Variants in RPUSD1 observed in about 807,000 individuals in gnomAD.
RPUSD1 encodes RNA pseudouridine synthase domain containing 1.
A neutral mutation model predicts 22.4 loss-of-function variants in RPUSD1; 28 were observed. That is an observed-to-expected ratio of 1.25 (90% confidence interval 0.93 to 1.72). RPUSD1 has a LOEUF of 1.72. Ranked by LOEUF, RPUSD1 falls within the 40% of genes most tolerant of loss-of-function variation. The probability of loss-of-function intolerance (pLI) is 0.00; values close to 1 mark genes in which losing one functional copy is unlikely to be tolerated. For synonymous variants in RPUSD1, 298 were observed against 201.0 expected, an observed-to-expected ratio of 1.48 and a Z score of -4.08; for missense variants, 596 against 442.2, an observed-to-expected ratio of 1.35 and a Z score of -3.12.
At position 786,158 on chromosome 16, in the gene RPUSD1, A is replaced by G; in HGVS notation, c.731T>C (p.Leu244Pro). The G allele has an allele frequency of 6.2e-7, 1 of 1,611,972 alleles. No individual in the cohort carries two copies. The highest frequency in any genetic ancestry group is 1.7e-5 in the Admixed American group (1 of 59,998). The change falls in exon 6 of 6, where the codon CTG becomes CCG. Residue 244 changes from leucine to proline, a missense_variant. Physicochemically the swap from Leu to Pro is moderately conservative, Grantham distance 98. Transcript: ENST00000007264. ...LDACWSPHTLLQSLDQLVQAL... is the reference protein window; with the variant it reads ...LDACWSPHTLPQSLDQLVQAL... Reference sequence around the variant, plus strand: ...CTGCACGAGCTGGTCCAGCGACTGCAGCAGTGTGTGGGGGCTCCAGCAGGC... The same window carrying G: ...CTGCACGAGCTGGTCCAGCGACTGCGGCAGTGTGTGGGGGCTCCAGCAGGC...
Position 788,141 on chromosome 16 carries a change from C to G in RPUSD1, c.-8+115G>C, listed in dbSNP as rs1207738671. The G allele has an allele frequency of 1.1e-5, 5 of 450,544 alleles. No homozygotes were observed. The Admixed American group carries it at 1.3e-4, about 11-fold the overall frequency. The allele number at this position is 450,544 out of a possible 1,614,324, so 27.9% of individuals were successfully genotyped here. The stretch of plus-strand genomic sequence containing the variant: ...GGTCTGCCCGCAGCGCGGGTTAGGG[C>G]TGGGGCCTCCTCGCTCCCCGCAGTC... On this transcript the variant is annotated intron_variant, in intron 1 of 5. Coordinates refer to ENST00000007264, the MANE Select transcript of RPUSD1 (RefSeq NM_058192.3).
At position 785,766 on chromosome 16, in the gene RPUSD1, G is replaced by A. The variant is rs981540998; in HGVS notation, c.*184C>T. On this transcript the variant is annotated 3_prime_UTR_variant, in exon 6 of 6. Transcript: ENST00000007264. Reference sequence around the variant, plus strand: ...CGGTGCGGTCGTCACCTGTGATCACGGCTGCCTGGCGCCCCCTGCCGGCCC... The same window carrying A: ...CGGTGCGGTCGTCACCTGTGATCACAGCTGCCTGGCGCCCCCTGCCGGCCC... 1.5e-5 allele frequency: 7 copies of A among 479,844 alleles called. No individual in the cohort carries two copies. The highest frequency in any genetic ancestry group is 1.4e-4 in the South Asian group (2 of 14,408). The allele number at this position is 479,844 out of a possible 1,614,324, so 29.7% of individuals were successfully genotyped here.
At chr16:786,740 G>A (rs771575404) in intron 5 of RPUSD1, 87 bp downstream of exon 5, 16 of 1,080,350 alleles carry the variant, frequency 1.5e-5, no homozygotes, top group East Asian at 2.4e-5. Flanking sequence ...CTGCCCTGAT[G>A]CTCAGGGTGG....
Position 785,953 on chromosome 16 carries a change from G to A in RPUSD1, c.936C>T (p.Ser312=), listed in dbSNP as rs753745099. 86 of 1,436,864 alleles carry A rather than the reference G, an allele frequency of 6.0e-5. No homozygotes were observed. The highest frequency in any genetic ancestry group is 1.4e-4 in the Admixed American group (5 of 35,188). The allele number at this position is 1,436,864 out of a possible 1,614,324, so 89.0% of individuals were successfully genotyped here. ...WLSEWTLEPD[S] is the part of the protein sequence containing the mutation. ...CCCTGCCCCAGCCCCACGGCTCTCA[G>A]CTGTCCGGTTCCAGCGTCCACTCCG... The change falls in exon 6 of 6, where the codon AGC becomes AGT. Residue 312 remains serine, a synonymous_variant. Coordinates refer to ENST00000007264, the MANE Select transcript of RPUSD1 (RefSeq NM_058192.3).
rs763955926 is a variant in RPUSD1 at position 786,047 on chromosome 16, C to A, written c.842G>T (p.Arg281Leu). Residue 281 changes from arginine to leucine, a missense_variant, in exon 6 of 6, where the codon CGG becomes CTG. Transcript: ENST00000007264. Reference protein sequence around the residue: ...SPSALLPGPGRPPPPPTKPPE... With the variant: ...SPSALLPGPGLPPPPPTKPPE... ...GGGCTTGGTTGGGGGTGGAGGAGGC[C>A]GGCCGGGCCCAGGCAGGAGTGCGGA... 5 of 1,518,248 alleles carry A rather than the reference C, an allele frequency of 3.3e-6. No individual in the cohort carries two copies. The highest frequency in any genetic ancestry group is 1.3e-5 in the South Asian group (1 of 79,208). The allele number at this position is 1,518,248 out of a possible 1,614,324, so 94.0% of individuals were successfully genotyped here. A position where few individuals can be genotyped will look rare whatever the true frequency, so the allele number is the denominator to read the frequency against.
rs747434515 is a variant in RPUSD1 at position 786,085 on chromosome 16, C to T, written c.804G>A (p.Arg268=). 2 of 1,570,762 alleles carry T rather than the reference C, an allele frequency of 1.3e-6. No individual in the cohort carries two copies. The highest frequency in any genetic ancestry group is 2.3e-5 in the South Asian group (2 of 86,462). ...GCAGGAGTGCGGAGGGGCTGCCTGG[C>T]CTGGGGCCCCTATCCTCGGGGTCAG... The part of the protein sequence containing the change: ...PDPDPEDRGP[R]PGSPSALLPG... Residue 268 remains arginine (R), a synonymous_variant, in exon 6 of 6, where the codon AGG becomes AGA. Transcript: ENST00000007264.
Position 787,539 on chromosome 16 carries a change from C to G in RPUSD1, c.182+17G>C. 2 of 1,606,584 alleles carry G rather than the reference C, an allele frequency of 1.2e-6. No individual in the cohort carries two copies. The highest frequency in any genetic ancestry group is 4.5e-5 in the East Asian group (2 of 44,592). ...CCTCCACAGACGCCACCGTGGGGCT[C>G]CGGCCGCCCCCCCTACCTGAACCCG... On this transcript the variant is annotated intron_variant, in intron 2 of 5. Coordinates refer to ENST00000007264, the MANE Select transcript of RPUSD1 (RefSeq NM_058192.3).
Position 785,183 on chromosome 16 carries a change from G to A in RPUSD1, c.*767C>T, listed in dbSNP as rs1486384065. The A allele has an allele frequency of 6.6e-6, 1 of 152,586 alleles. No individual in the cohort carries two copies. Among genetic ancestry groups the A allele is most frequent in the Non-Finnish European group, 1.5e-5 (1 of 68,276 alleles). The allele number at this position is 152,586 out of a possible 1,614,324, so 9.5% of individuals were successfully genotyped here. A position where few individuals can be genotyped will look rare whatever the true frequency, so the allele number is the denominator to read the frequency against. The stretch of plus-strand genomic sequence containing the variant: ...CAGAGCTGCCAGCAGGGGCCCAAGA[G>A]ACTGCAGCAGGTTGGTGCTCACAGT... On this transcript the variant is annotated 3_prime_UTR_variant, in exon 6 of 6. Coordinates refer to ENST00000007264, the MANE Select transcript of RPUSD1 (RefSeq NM_058192.3).
At chr16:787,253 C>A (rs1162302367) in intron 3 of RPUSD1, 74 bp from the exon 4 acceptor site, 41 of 1,551,634 alleles carry the variant, frequency 2.6e-5, no homozygotes, top group Non-Finnish European at 3.5e-5. Context: ...TAACACCAAG[C>A]AACCACGTAG....
Position 786,121 on chromosome 16 carries a change from G to A in RPUSD1, c.768C>T (p.Ala256=), listed in dbSNP as rs376081160. ...SLDQLVQALR[A]TPDPDPEDRG... ...TATCCTCGGGGTCAGGGTCGGGGGTGGCCCGTAAGGCCTGCACGAGCTGGT... is the reference window on the plus strand; with the variant it reads ...TATCCTCGGGGTCAGGGTCGGGGGTAGCCCGTAAGGCCTGCACGAGCTGGT... The change falls in exon 6 of 6, where the codon GCC becomes GCT. Residue 256 remains alanine, a synonymous_variant. Transcript: ENST00000007264. 6.1e-5 allele frequency: 98 copies of A among 1,599,108 alleles called. No individual in the cohort carries two copies. In the African/African-American group the frequency reaches 1.2e-3, roughly 19 times the overall value.
In RPUSD1 at chr16:787,167, T is replaced by G. The variant is rs2041963005; in HGVS notation, c.319A>C (p.Ile107Leu). 1 of 1,605,130 alleles carries G rather than the reference T, an allele frequency of 6.2e-7. No homozygotes were observed. Among genetic ancestry groups the G allele is most frequent in the African/African-American group, 1.3e-5 (1 of 74,960 alleles). ...CTGATGGTTACCCGGCTCTCCTGGATGTGCCCCCGCAGCTGCAGGAGAGGG... is the reference window on the plus strand; with the variant it reads ...CTGATGGTTACCCGGCTCTCCTGGAGGTGCCCCCGCAGCTGCAGGAGAGGG... ...KAYLALLRGH[I>L]QESRVTISHA... Residue 107 changes from isoleucine (I) to leucine (L), a missense_variant, in exon 4 of 6, where the codon ATC becomes CTC. Transcript: ENST00000007264.
rs529864040 is a variant in RPUSD1, at chr16:787,829, C to G, written c.-7-85G>C. On this transcript the variant is annotated intron_variant, in intron 1 of 5. Coordinates refer to ENST00000007264, the MANE Select transcript of RPUSD1 (RefSeq NM_058192.3). ...TACAGAGGTACCCGCACCGCCCCAC[C>G]CGGGCTCCGGTGCGAAGCCACCGAG... 3 of 1,436,856 alleles carry G rather than the reference C, an allele frequency of 2.1e-6. No individual in the cohort carries two copies. The East Asian group carries it at 6.9e-5, about 33-fold the overall frequency. 89.0% of individuals were successfully genotyped at this position (1,436,856 alleles called of 1,614,324 possible).
Position 786,889 on chromosome 16 carries a change from A to T in RPUSD1, c.449T>A (p.Val150Asp). 6.2e-7 allele frequency: 1 copy of T among 1,613,302 alleles called. No homozygotes were observed. The highest frequency in any genetic ancestry group is 8.5e-7 in the Non-Finnish European group (1 of 1,179,974). Residue 150 changes from valine to aspartate, a missense_variant, in exon 5 of 6, where the codon GTT (valine) becomes GAT (aspartate). Val to Asp is a radical substitution (Grantham distance 152, BLOSUM62 -3). Transcript: ENST00000007264. ...GCCTGCGTACAGCCCGTGTTCCAGA[A>T]CCACGAGATCTGTGAGGCTTGGCTT... ...NPKPSLTDLV[V>D]LEHGLYAGDP...
At chr16:786,468 C>A in intron 5 of RPUSD1, 91 bp from the exon 6 acceptor site, 1 of 1,332,522 alleles carries the variant, frequency 7.5e-7, no homozygotes. Flanking sequence ...GTCATGACCC[C>A]GCTGCAGTCT....
Position 785,256 on chromosome 16 carries a change from G to C in RPUSD1, c.*694C>G, listed in dbSNP as rs1328029915. On this transcript the variant is annotated 3_prime_UTR_variant, in exon 6 of 6. Coordinates refer to ENST00000007264, the MANE Select transcript of RPUSD1 (RefSeq NM_058192.3). ...TGGCAGGGCCTTGGCCATGGCCCCTGACCAACCCCTGTGCACCAAACACCA... is the reference window on the plus strand; with the variant it reads ...TGGCAGGGCCTTGGCCATGGCCCCTCACCAACCCCTGTGCACCAAACACCA... The C allele has an allele frequency of 6.6e-6, 1 of 152,422 alleles. No homozygotes were observed. Among genetic ancestry groups the C allele is most frequent in the African/African-American group, 2.4e-5 (1 of 41,434 alleles). The allele number at this position is 152,422 out of a possible 1,614,324, so 9.4% of individuals were successfully genotyped here.
At position 786,217 on chromosome 16, in the gene RPUSD1, G is replaced by A. The variant is rs1373741000; in HGVS notation, c.672C>T (p.Val224=). 8.1e-6 allele frequency: 13 copies of A among 1,612,662 alleles called. No individual in the cohort carries two copies. The highest frequency in any genetic ancestry group is 2.7e-5 in the African/African-American group (2 of 74,940). ...AGGGCAGGAAGGGGTCAGGCGTGCAGACCTCCACACACTCGGTGTCCGTGG... is the reference window on the plus strand; with the variant it reads ...AGGGCAGGAAGGGGTCAGGCGTGCAAACCTCCACACACTCGGTGTCCGTGG... ...RIPTDTECVE[V]CTPDPFLPSL... The change falls in exon 6 of 6, where the codon GTC becomes GTT. Residue 224 remains valine (V), a synonymous_variant. Coordinates refer to ENST00000007264, the MANE Select transcript of RPUSD1 (RefSeq NM_058192.3).
Position 785,869 on chromosome 16 carries a change from G to A in RPUSD1, c.*81C>T. ...CTGCCTGGCACCTCGAGGCCCCAGA[G>A]CCAGTGAGCAGACGCTCGCTCGCCC... On this transcript the variant is annotated 3_prime_UTR_variant, in exon 6 of 6. Coordinates refer to ENST00000007264, the MANE Select transcript of RPUSD1 (RefSeq NM_058192.3). The A allele has an allele frequency of 8.0e-7, 1 of 1,253,200 alleles. No homozygotes were observed. Among genetic ancestry groups the A allele is most frequent in the Non-Finnish European group, 1.0e-6 (1 of 957,658 alleles). 77.6% of individuals were successfully genotyped at this position (1,253,200 alleles called of 1,614,324 possible).
intron 1 of RPUSD1, 146 bp from the exon 2 acceptor site, chr16:787,890 A>C (rs2042010578): frequency 1.4e-6 from 1 of 728,688 alleles, no homozygotes; most frequent in Non-Finnish European, 2.2e-6. Context: ...CTGCATCCTC[A>C]GTCCCCGAGA....
Position 787,638 on chromosome 16 carries a change from A to C in RPUSD1, c.100T>G (p.Trp34Gly). The C allele has an allele frequency of 6.2e-7, 1 of 1,612,302 alleles. No homozygotes were observed. The highest frequency in any genetic ancestry group is 1.1e-5 in the South Asian group (1 of 91,088). ...TTCTGCAGGGTCAGAGTCTCCCGCCACGCCTTGCTGTCAATGCGAACGTCC... is the reference window on the plus strand; with the variant it reads ...TTCTGCAGGGTCAGAGTCTCCCGCCCCGCCTTGCTGTCAATGCGAACGTCC... ...HWDVRIDSKAWRETLTLQKQL... is the reference protein window; with the variant it reads ...HWDVRIDSKAGRETLTLQKQL... Residue 34 changes from tryptophan (W) to glycine (G), a missense_variant, in exon 2 of 6, where the codon TGG (tryptophan) becomes GGG (glycine). Physicochemically the swap from Trp to Gly is radical, Grantham distance 184 (BLOSUM62 -2). Coordinates refer to ENST00000007264, the MANE Select transcript of RPUSD1 (RefSeq NM_058192.3).
Sources: gnomAD v4.1 joint callset for allele counts on GRCh38, gnomAD v4.1.1 for gene constraint, MANE v1.5 for transcripts, NCBI Gene and HGNC (gene_info 2026-07-23, HGNC 2026-07-21) for gene names.